TMEM132B: variants seen among roughly 807,000 people sequenced by gnomAD.
TMEM132B encodes transmembrane protein 132B.
A neutral mutation model predicts 90.8 loss-of-function variants in TMEM132B; 18 were observed. The ratio of observed to expected loss-of-function variants is 0.20; its 90% CI spans 0.14 to 0.29. TMEM132B has a LOEUF of 0.29. Ranked by LOEUF, TMEM132B falls within the 10% of genes least tolerant of loss-of-function variation. The pLI, the probability that TMEM132B is intolerant of heterozygous loss-of-function variation, is 1.00. For synonymous variants in TMEM132B, 504 were observed against 523.3 expected, an observed-to-expected ratio of 0.96 and a Z score of 0.50; for missense variants, 1,096 against 1,326.8, an observed-to-expected ratio of 0.83 and a Z score of 2.70.
At chr12:125,583,774 C>A in intron 4 of TMEM132B, 77 bp from the exon 5 acceptor site, 1 of 1,534,946 alleles carries the variant, frequency 6.5e-7, no homozygotes, top group South Asian at 1.2e-5. Flanking sequence ...CAGTAGGGAG[C>A]TTGGTGGACA....
intron 5 of TMEM132B, among the ~76,000 whole-genome samples, chr12:125,625,496 A>G (rs1182802065): frequency 1.3e-5 from 2 of 152,154 alleles, no homozygotes; most frequent in Admixed American, 1.3e-4. Context: ...GTGAATTGAT[A>G]GTGGGTTTCT....
intron 1 of TMEM132B, among the ~76,000 whole-genome samples, chr12:125,193,619 A>G (rs774160979): frequency 2.6e-5 from 4 of 152,234 alleles, no homozygotes; most frequent in Non-Finnish European, 4.4e-5. Flanking sequence ...AGAAAGAGCC[A>G]ACTGAGAGAA....
At chr12:125,550,664 G>C (rs1343419216) in intron 4 of TMEM132B, among the ~76,000 whole-genome samples, 1 of 152,166 alleles carries the variant, frequency 6.6e-6, no homozygotes, top group Non-Finnish European at 1.5e-5. Context: ...AAGCTGATTA[G>C]GGTATTAAGT....
At chr12:125,651,084 G>A (rs1886904637) in intron 7 of TMEM132B, 131 bp downstream of exon 7, 10 of 1,249,528 alleles carry the variant, frequency 8.0e-6, no homozygotes, top group Non-Finnish European at 8.8e-6. Flanking sequence ...CACTGTGCAT[G>A]TATTGCCTCT....
At chr12:125,491,356 G>A (rs982308229) in intron 3 of TMEM132B, among the ~76,000 whole-genome samples, 3 of 151,888 alleles carry the variant, frequency 2.0e-5, no homozygotes, top group African/African-American at 7.3e-5. Context: ...CTAATCCAAA[G>A]CTTTGGATTA....
At chr12:125,544,468 G>A (rs1308807606) in intron 4 of TMEM132B, among the ~76,000 whole-genome samples, 1 of 152,152 alleles carries the variant, frequency 6.6e-6, no homozygotes, top group Non-Finnish European at 1.5e-5. Context: ...TGGAACTGTG[G>A]GATGGGTTCA....
At position 125,445,289 on chromosome 12, in the gene TMEM132B, T is replaced by G. The variant is rs1880976292; in HGVS notation, c.1106+29612T>G. ...GCTCTGGATCTGTGTCCTGACCCTA[T>G]CACTAGAGACCTTAGGCATAGAACC... On this transcript the variant is annotated intron_variant, in intron 3 of 8. Coordinates refer to ENST00000682704, the MANE Select transcript of TMEM132B (RefSeq NM_001366854.1). The surrounding 1 kb of genome is among the most constrained non-coding windows in gnomAD (Gnocchi z 4.3). Among the ~76,000 whole-genome samples the G allele has an allele frequency of 6.6e-6, 1 of 152,212 alleles. No homozygotes were observed. The highest frequency in any genetic ancestry group is 2.4e-5 in the African/African-American group (1 of 41,440).
intron 4 of TMEM132B, among the ~76,000 whole-genome samples, chr12:125,558,931 T>C (rs1047630918): frequency 6.6e-6 from 1 of 152,162 alleles, no homozygotes; most frequent in Non-Finnish European, 1.5e-5. Context: ...GTAGGTTAAT[T>C]TGAGATGATG....
chr12:125,347,496 G>A (rs562558628), intron 1 of TMEM132B, among the ~76,000 whole-genome samples: 10 of 152,256 alleles, frequency 6.6e-5, no homozygotes, highest in African/African-American at 2.2e-4. Flanking sequence ...AGCTCACCAA[G>A]CACAGCCCCA....
rs534239263 is a variant in TMEM132B, at chr12:125,632,670, G to A, written c.1438-11406G>A. On this transcript the variant is annotated intron_variant, in intron 5 of 8. Coordinates refer to ENST00000682704, the MANE Select transcript of TMEM132B (RefSeq NM_001366854.1). ...ATTTTGGCCAAGATGTACTATTCTA[G>A]TGTCAAAGTTTTTTTTTCCTCCTTC... Among the ~76,000 whole-genome samples the A allele has an allele frequency of 9.2e-4, 140 of 151,972 alleles. 2 individuals are homozygous for A. The South Asian group carries it at 0.021, about 23-fold the overall frequency.
chr12:125,391,606 C>T (rs1041188922), intron 2 of TMEM132B, among the ~76,000 whole-genome samples: 4 of 152,304 alleles, frequency 2.6e-5, no homozygotes, highest in Admixed American at 2.6e-4. Flanking sequence ...TGGGATGTCT[C>T]AGGGGCAGTC....
intron 2 of TMEM132B, among the ~76,000 whole-genome samples, chr12:125,363,689 T>TATG (rs1878032862): frequency 6.6e-6 from 1 of 152,150 alleles, no homozygotes; most frequent in Non-Finnish European, 1.5e-5. Context: ...TCTTCAGAGG[T>TATG]AGCAGAATGA....
At chr12:125,627,202 A>G (rs1201711284) in intron 5 of TMEM132B, among the ~76,000 whole-genome samples, 1 of 152,050 alleles carries the variant, frequency 6.6e-6, no homozygotes, top group East Asian at 1.9e-4. Flanking sequence ...TATGTTGCCT[A>G]TCATTTCCTC....
At chr12:125,493,367 AAC>A (rs1882407724) in intron 3 of TMEM132B, among the ~76,000 whole-genome samples, 1 of 152,206 alleles carries the variant, frequency 6.6e-6, no homozygotes, top group Non-Finnish European at 1.5e-5. Flanking sequence ...CCTAACGAGA[AAC>A]ACACATGAAA....
At position 125,517,470 on chromosome 12, in the gene TMEM132B, G is replaced by A. The variant is rs137932767; in HGVS notation, c.1107-1969G>A. Among the ~76,000 whole-genome samples the A allele has an allele frequency of 6.2e-3, 941 of 151,466 alleles. 9 individuals are homozygous for A. Among genetic ancestry groups the A allele is most frequent in the African/African-American group, 0.02 (836 of 41,386 alleles). On this transcript the variant is annotated intron_variant, in intron 3 of 8. Coordinates refer to ENST00000682704, the MANE Select transcript of TMEM132B (RefSeq NM_001366854.1). ...GCCTCCCAAAGTGCTGGGATTACAGGCGTGAGCCACCACGCCCGGCCCAAC... is the reference window on the plus strand; with the variant it reads ...GCCTCCCAAAGTGCTGGGATTACAGACGTGAGCCACCACGCCCGGCCCAAC...
At chr12:125,242,691 G>A (rs1299512785) in intron 1 of TMEM132B, among the ~76,000 whole-genome samples, 2 of 152,190 alleles carry the variant, frequency 1.3e-5, no homozygotes, top group Non-Finnish European at 1.5e-5. Flanking sequence ...GGACAGTTCG[G>A]AGCCTGAGCC....
intron 4 of TMEM132B, among the ~76,000 whole-genome samples, chr12:125,551,319 C>A (rs192501038): frequency 5.1e-4 from 78 of 152,334 alleles, no homozygotes; most frequent in African/African-American, 1.7e-3. Context: ...TGACAGAAAC[C>A]AAACCCTGGG....
At position 125,290,398 on chromosome 12, in the gene TMEM132B, C is replaced by A. The variant is rs73233341; in HGVS notation, c.68-59054C>A. ...GGAAATAAAGCCTGACAGTTACAAT[C>A]GATGCTCCTGTAGACTCCTCCCAGA... is the stretch of plus-strand genomic sequence containing the variant. On this transcript the variant is annotated intron_variant, in intron 1 of 8. Coordinates refer to ENST00000682704, the MANE Select transcript of TMEM132B (RefSeq NM_001366854.1). Among the ~76,000 whole-genome samples the A allele has an allele frequency of 1.1e-3, 161 of 152,312 alleles. 1 individual carries two copies. Among genetic ancestry groups the A allele is most frequent in the African/African-American group, 3.7e-3 (154 of 41,562 alleles).
At chr12:125,413,907 A>G (rs1879932380) in intron 2 of TMEM132B, among the ~76,000 whole-genome samples, 2 of 152,208 alleles carry the variant, frequency 1.3e-5, no homozygotes, top group South Asian at 4.1e-4. Context: ...ACTTTTGGAG[A>G]AACTGGAAAA....
Sources: allele counts gnomAD v4.1 joint callset (sites outside exome capture counted in the v4.1 genomes callset), GRCh38; gene constraint gnomAD v4.1.1; non-coding constraint Gnocchi (gnomAD v3.1); transcripts MANE v1.5; gene names NCBI Gene and HGNC (gene_info 2026-07-23, HGNC 2026-07-21).